Variants in SPATA13 observed in about 807,000 individuals in gnomAD.
The protein encoded by SPATA13 is spermatogenesis associated 13.
A neutral mutation model predicts 104.0 loss-of-function variants in SPATA13; 50 were observed. That is an observed-to-expected ratio of 0.48 (90% CI 0.38 to 0.61). The LOEUF (loss-of-function observed/expected upper bound fraction) is 0.61. Among genes scored for constraint, SPATA13 ranks in the 20% least tolerant of loss-of-function variants. The pLI, the probability that SPATA13 is intolerant of heterozygous loss-of-function variation, is 0.00. For missense variants in SPATA13, 1,524 were observed against 1,690.6 expected (o/e 0.90, Z 1.73); for synonymous variants, 606 against 667.5 (o/e 0.91, Z 1.42).
At chr13:24,208,923 T>C (rs776635783) in intron 1 of SPATA13, among the ~76,000 whole-genome samples, 2 of 152,212 alleles carry the variant, frequency 1.3e-5, no homozygotes, top group African/African-American at 2.4e-5. Context: ...TCCTTTATAA[T>C]CTGAATTTTA....
At chr13:24,203,934 G>T (rs1290413446) in intron 1 of SPATA13, among the ~76,000 whole-genome samples, 1 of 152,172 alleles carries the variant, frequency 6.6e-6, no homozygotes, top group African/African-American at 2.4e-5. Context: ...GATGATTAAG[G>T]TCATGTCTTT....
intron 3 of SPATA13, among the ~76,000 whole-genome samples, chr13:24,076,889 G>T (rs146219107): frequency 1.1e-3 from 170 of 152,014 alleles, no homozygotes; most frequent in African/African-American, 3.8e-3. Flanking sequence ...TGGATTCACG[G>T]CCAGATGGGC....
At chr13:24,133,317 T>G (rs1425456267) in intron 3 of SPATA13, among the ~76,000 whole-genome samples, 1 of 152,176 alleles carries the variant, frequency 6.6e-6, no homozygotes, top group Non-Finnish European at 1.5e-5. Context: ...GTAGAGATTG[T>G]GTAAGCCCAG....
intron 3 of SPATA13, among the ~76,000 whole-genome samples, chr13:24,110,274 C>G (rs1045946290): frequency 6.6e-6 from 1 of 151,810 alleles, no homozygotes. Context: ...GAGCATTGGT[C>G]AAGGAGTGAG....
intron 4 of SPATA13, among the ~76,000 whole-genome samples, chr13:24,271,854 G>A (rs1450121917): frequency 6.6e-6 from 1 of 152,148 alleles, no homozygotes; most frequent in Admixed American, 6.5e-5. Flanking sequence ...TGTTTTGATT[G>A]GTTTCTGTGC....
chr13:23,982,237 A>G (rs1874936011), intron 1 of SPATA13, among the ~76,000 whole-genome samples: 1 of 152,244 alleles, frequency 6.6e-6, no homozygotes, highest in African/African-American at 2.4e-5. Context: ...ATTTCTACCT[A>G]GAAAGTTCAG....
intron 1 of SPATA13, among the ~76,000 whole-genome samples, chr13:24,199,135 C>T (rs916890437): frequency 2.0e-5 from 3 of 152,044 alleles, no homozygotes; most frequent in Admixed American, 6.6e-5. Flanking sequence ...GCGATCCGCC[C>T]GTCTTGGCCT....
At chr13:23,994,159 GA>G (rs1194301968) in intron 2 of SPATA13, among the ~76,000 whole-genome samples, 2 of 152,068 alleles carry the variant, frequency 1.3e-5, no homozygotes, top group African/African-American at 2.4e-5. Flanking sequence ...TTCCAACTCA[GA>G]AAAATGTTCT....
chr13:24,231,441 T>G (rs1224565348), intron 2 of SPATA13, among the ~76,000 whole-genome samples: 1 of 152,210 alleles, frequency 6.6e-6, no homozygotes, highest in Non-Finnish European at 1.5e-5. Context: ...CTTCCTTCCT[T>G]GTTAAGGCTG....
chr13:24,259,431 C>T (rs890311878), intron 4 of SPATA13, among the ~76,000 whole-genome samples: 3 of 152,182 alleles, frequency 2.0e-5, no homozygotes, highest in African/African-American at 7.2e-5. Context: ...AAAGAAAAAA[C>T]AAAAACGTAC....
intron 9 of SPATA13, among the ~76,000 whole-genome samples, chr13:24,293,563 A>G (rs892549684): frequency 3.3e-5 from 5 of 152,242 alleles, no homozygotes; most frequent in African/African-American, 1.2e-4. Flanking sequence ...AGTTGACATG[A>G]CAGAAAGTCC....
chr13:24,183,428 A>C (rs1337952192), intron 1 of SPATA13, among the ~76,000 whole-genome samples: 1 of 152,212 alleles, frequency 6.6e-6, no homozygotes, highest in Non-Finnish European at 1.5e-5. Flanking sequence ...GTTGTGTTTA[A>C]GGGTTGAAAC....
chr13:23,993,061 A>G (rs953471237), intron 2 of SPATA13, among the ~76,000 whole-genome samples: 1 of 152,260 alleles, frequency 6.6e-6, no homozygotes, highest in Non-Finnish European at 1.5e-5. Flanking sequence ...CTGTGCTTTC[A>G]GAAAAGCCTG....
In SPATA13 at chr13:24,004,685, T is replaced by C. The variant is rs971729963; in HGVS notation, c.-146-12982T>C. On this transcript the variant is annotated intron_variant, in intron 2 of 14. Coordinates refer to the SPATA13 transcript ENST00000424834. ...TTAAATCAATTCCGAGACTGCTCCA[T>C]ACACACAGGGCTGAAAATTTACATT... Among the ~76,000 whole-genome samples, 19 of 152,302 alleles carry C rather than the reference T, an allele frequency of 1.2e-4. 2 individuals are homozygous for C. Among genetic ancestry groups the C allele is most frequent in the Admixed American group, 1.0e-3 (16 of 15,296 alleles).
intron 2 of SPATA13, among the ~76,000 whole-genome samples, chr13:23,984,508 A>G (rs371151629): frequency 2.6e-5 from 4 of 152,160 alleles, no homozygotes; most frequent in Non-Finnish European, 5.9e-5. Context: ...CCCGCGCAGC[A>G]CCTGTCCTTC....
chr13:24,253,335 C>G (rs562587047), intron 4 of SPATA13: 1 of 152,214 alleles, frequency 6.6e-6, no homozygotes, highest in African/African-American at 2.4e-5. Flanking sequence ...TGCACCTGTT[C>G]CATGAACCCT....
intron 2 of SPATA13, among the ~76,000 whole-genome samples, chr13:23,989,442 C>T (rs933442715): frequency 6.6e-6 from 1 of 151,884 alleles, no homozygotes; most frequent in African/African-American, 2.4e-5. Context: ...AAGATTTACT[C>T]AAGTTATCTT....
At chr13:24,059,179 G>A (rs536626189) in intron 3 of SPATA13, among the ~76,000 whole-genome samples, 2 of 151,726 alleles carry the variant, frequency 1.3e-5, no homozygotes, top group East Asian at 3.9e-4. Flanking sequence ...CACCGTGTTA[G>A]CCAGGATGGT....
intron 3 of SPATA13, chr13:24,122,465 T>C: frequency 1.2e-6 from 2 of 1,608,196 alleles, no homozygotes; most frequent in Non-Finnish European, 1.7e-6. Context: ...CCAGCCTGCT[T>C]AGCCAGAATC....
Sources: allele counts gnomAD v4.1 joint callset (sites outside exome capture counted in the v4.1 genomes callset), GRCh38; gene constraint gnomAD v4.1.1; transcripts MANE v1.5; gene names NCBI Gene and HGNC (gene_info 2026-07-23, HGNC 2026-07-21).